The following MPDZ variants were observed in gnomAD, a reference collection of about 807,000 sequenced individuals.
MPDZ encodes multiple PDZ domain crumbs cell polarity complex component, also known as multiple PDZ domain protein.
MPDZ carries 234 observed loss-of-function variants against 239.1 expected under a neutral mutation model. That is an observed-to-expected ratio of 0.98 (90% confidence interval 0.88 to 1.09). The LOEUF (loss-of-function observed/expected upper bound fraction) is 1.09. MPDZ is among the 50% of genes least tolerant of loss of function. The pLI is 0.00. For missense variants in MPDZ, 3,175 were observed against 2,510.0 expected, an observed-to-expected ratio of 1.26 and a Z score of -5.66; for synonymous variants, 1,048 against 881.3, an observed-to-expected ratio of 1.19 and a Z score of -3.35.
intron 32 of MPDZ, among the ~76,000 whole-genome samples, chr9:13,128,810 A>T (rs1016980632): frequency 2.0e-5 from 3 of 152,180 alleles, no homozygotes; most frequent in Non-Finnish European, 4.4e-5. Context: ...CATGTAAAAG[A>T]AGTAGCACAT....
intron 1 of MPDZ, among the ~76,000 whole-genome samples, chr9:13,272,561 C>G (rs1973223811): frequency 6.6e-6 from 1 of 151,650 alleles, no homozygotes; most frequent in Non-Finnish European, 1.5e-5. Flanking sequence ...CCTGTAATCC[C>G]AAATTAGAAA....
At chr9:13,264,899 A>G (rs889483548) in intron 1 of MPDZ, among the ~76,000 whole-genome samples, 3 of 152,172 alleles carry the variant, frequency 2.0e-5, no homozygotes, top group Admixed American at 2.0e-4. Context: ...GTTAGACCCA[A>G]AGGAATGCAG....
chr9:13,183,604 T>G lies in MPDZ; in HGVS notation c.2482-19A>C. On this transcript the variant is annotated intron_variant, in intron 18 of 46. Transcript: ENST00000319217. ...TGCCCACCTAGAAACAAAACAATAA[T>G]ATCAGTTGGGAATTCTGTTCTATTA... The G allele has an allele frequency of 3.1e-6, 5 of 1,609,196 alleles. No homozygotes were observed. The highest frequency in any genetic ancestry group is 4.2e-6 in the Non-Finnish European group (5 of 1,177,692).
At chr9:13,120,299 G>A (rs1420200843) in intron 38 of MPDZ, 1 of 151,376 alleles carries the variant, frequency 6.6e-6, no homozygotes, top group Non-Finnish European at 1.5e-5. Flanking sequence ...ACCATAAATA[G>A]AAATATATAG....
At position 13,136,120 on chromosome 9, in the gene MPDZ, G is replaced by T. The variant is rs1420418437; in HGVS notation, c.4355C>A (p.Ser1452Tyr). ...CPGNAVEPLPSNSENLQNKET... is the reference protein window; with the variant it reads ...CPGNAVEPLPYNSENLQNKET... ...CTTATTTTGAAGATTTTCTGAGTTA[G>T]AAGGCAAAGGTTCTACTGCATTTCC... is the stretch of plus-strand genomic sequence containing the variant. Residue 1452 changes from serine to tyrosine, a missense_variant, in exon 31 of 47, where the codon TCT becomes TAT. By Grantham distance (144) the Ser-to-Tyr change is moderately radical (BLOSUM62 -2). Transcript: ENST00000319217. 2 of 1,612,134 alleles carry T rather than the reference G, an allele frequency of 1.2e-6. No individual in the cohort carries two copies. Among genetic ancestry groups the T allele is most frequent in the African/African-American group, 2.7e-5 (2 of 74,786 alleles).
chr9:13,242,191 C>A (rs1038052570), intron 3 of MPDZ, among the ~76,000 whole-genome samples: 9 of 148,400 alleles, frequency 6.1e-5, no homozygotes, highest in African/African-American at 2.2e-4. Context: ...ATTAAAACCA[C>A]TACCTTAATT....
At chr9:13,216,211 T>C (rs988067236) in intron 10 of MPDZ, among the ~76,000 whole-genome samples, 1 of 151,710 alleles carries the variant, frequency 6.6e-6, no homozygotes, top group African/African-American at 2.4e-5. Flanking sequence ...TGGGCTCTTC[T>C]GTACAGTGCC....
chr9:13,112,029 G>C lies in MPDZ; in HGVS notation c.5719C>G (p.Leu1907Val), dbSNP rs1942572506. Residue 1907 changes from leucine (L) to valine (V), a missense_variant, in exon 43 of 47, where the codon CTC becomes GTC. Transcript: ENST00000319217. ...GGGTTGATAGTACGACTCACTCTGA[G>C]TTTTTGGGTCTGTGCTGCAACTCCA... The part of the protein sequence containing the change: ...PTGVAAQTQK[L>V]RVGDRIVTIC... The C allele has an allele frequency of 3.1e-6, 5 of 1,613,314 alleles. No individual in the cohort carries two copies. Among genetic ancestry groups the C allele is most frequent in the Non-Finnish European group, 4.2e-6 (5 of 1,179,528 alleles).
chr9:13,232,535 T>A (rs760003133), intron 3 of MPDZ, among the ~76,000 whole-genome samples: 1 of 151,814 alleles, frequency 6.6e-6, no homozygotes, highest in Admixed American at 6.6e-5. Flanking sequence ...CACACCACAT[T>A]CAAAATTTAA....
chr9:13,165,180 C>T (rs749853827), intron 22 of MPDZ, among the ~76,000 whole-genome samples: 31 of 152,062 alleles, frequency 2.0e-4, no homozygotes, highest in Admixed American at 1.4e-3. Flanking sequence ...AATGTGAAAA[C>T]GTAACAATCT....
At position 13,136,888 on chromosome 9, in the gene MPDZ, T is replaced by TTTTTTC. The variant is rs1400357751; in HGVS notation, c.4201-91_4201-86dup. 5 of 680,956 alleles carry TTTTTTC rather than the reference T, an allele frequency of 7.3e-6. No individual in the cohort carries two copies. The Admixed American group carries it at 1.5e-4, about 21-fold the overall frequency. 42.2% of individuals were successfully genotyped at this position (680,956 alleles called of 1,614,324 possible). Reference sequence around the variant, plus strand: ...TCCTTCCTCATTAATGAAAAGCACATTTTTTCTTCCTTTAAAATATATTTT... The same window carrying TTTTTTC: ...TCCTTCCTCATTAATGAAAAGCACATTTTTTCTTTTTCTTCCTTTAAAATATATTTT... On this transcript the variant is annotated intron_variant, in intron 29 of 46. Coordinates refer to ENST00000319217, the MANE Select transcript of MPDZ (RefSeq NM_001378778.1).
intron 32 of MPDZ, among the ~76,000 whole-genome samples, chr9:13,131,152 G>C (rs1222258600): frequency 2.0e-5 from 3 of 152,106 alleles, no homozygotes; most frequent in Non-Finnish European, 4.4e-5. Context: ...GTTAAAAGCT[G>C]TTTCTTTCTC....
intron 39 of MPDZ, among the ~76,000 whole-genome samples, chr9:13,116,830 C>T (rs73649149): frequency 0.028 from 4,286 of 152,138 alleles, 186 homozygotes; most frequent in African/African-American, 0.096. Flanking sequence ...ATAAGTCCAA[C>T]AATTACCTCA....
At chr9:13,178,320 G>A (rs542444143) in intron 19 of MPDZ, among the ~76,000 whole-genome samples, 7 of 151,230 alleles carry the variant, frequency 4.6e-5, no homozygotes, top group Non-Finnish European at 1.0e-4. Flanking sequence ...TTCTCTTACA[G>A]AAGGAAAATA....
At chr9:13,240,238 T>A (rs971488204) in intron 3 of MPDZ, among the ~76,000 whole-genome samples, 2 of 152,002 alleles carry the variant, frequency 1.3e-5, no homozygotes, top group African/African-American at 4.8e-5. Flanking sequence ...CAGAGAAGTA[T>A]AATTATATAG....
intron 12 of MPDZ, among the ~76,000 whole-genome samples, chr9:13,203,352 G>A (rs1006010353): frequency 3.9e-5 from 6 of 152,056 alleles, no homozygotes; most frequent in African/African-American, 1.4e-4. Flanking sequence ...AGTGATTTAA[G>A]CGGGTGAGAT....
intron 3 of MPDZ, among the ~76,000 whole-genome samples, chr9:13,229,853 A>G (rs1296429437): frequency 6.6e-6 from 1 of 152,164 alleles, no homozygotes; most frequent in African/African-American, 2.4e-5. Flanking sequence ...TAGGGTAAAT[A>G]AAGTTGAAGT....
intron 3 of MPDZ, among the ~76,000 whole-genome samples, chr9:13,230,281 A>G (rs1961981287): frequency 6.6e-6 from 1 of 152,138 alleles, no homozygotes; most frequent in South Asian, 2.1e-4. Flanking sequence ...TTACCATACA[A>G]TCTAGCAATT....
At chr9:13,146,009 ATGTT>A (rs1336062864) in intron 26 of MPDZ, among the ~76,000 whole-genome samples, 1 of 152,092 alleles carries the variant, frequency 6.6e-6, no homozygotes, top group Non-Finnish European at 1.5e-5. Flanking sequence ...TGCTGTGTCT[ATGTT>A]TAACACACAA....
Sources: allele counts gnomAD v4.1 joint callset (sites outside exome capture counted in the v4.1 genomes callset), GRCh38; gene constraint gnomAD v4.1.1; transcripts MANE v1.5; gene names NCBI Gene and HGNC (gene_info 2026-07-23, HGNC 2026-07-21).